The following LINGO2 variants were observed in gnomAD, a reference collection of about 807,000 sequenced individuals.
LINGO2 encodes the protein leucine-rich repeat and immunoglobulin-like domain-containing nogo receptor-interacting protein 2.
Under a neutral mutation model 30.6 loss-of-function variants are expected in LINGO2, and 14 were observed. The ratio of observed to expected loss-of-function variants is 0.46; its 90% CI spans 0.30 to 0.72. The LOEUF (loss-of-function observed/expected upper bound fraction) is 0.72, where lower values mean the gene tolerates loss of function less well. LINGO2 is among the 30% of genes least tolerant of loss of function. The probability of loss-of-function intolerance (pLI) is 0.07; values close to 1 mark genes in which losing one functional copy is unlikely to be tolerated. For missense variants in LINGO2, 729 were observed against 751.7 expected (o/e 0.97, Z 0.35); for synonymous variants, 317 against 288.5 (o/e 1.10, Z -1.00).
At chr9:28,155,780 C>T (rs377470985) in intron 4 of LINGO2, among the ~76,000 whole-genome samples, 3 of 152,272 alleles carry the variant, frequency 2.0e-5, no homozygotes, top group East Asian at 3.9e-4. Context: ...CTCACAAAGT[C>T]ACAGTCCTCA....
the LINGO2 span, among the ~76,000 whole-genome samples, chr9:28,857,641 AGT>A: frequency 6.6e-6 from 1 of 152,092 alleles, no homozygotes; most frequent in African/African-American, 2.4e-5. Context: ...CTAGATCTGC[AGT>A]GTTAAATGCC....
At chr9:28,477,843 G>C (rs1825789178) in intron 1 of LINGO2, among the ~76,000 whole-genome samples, 1 of 152,132 alleles carries the variant, frequency 6.6e-6, no homozygotes, top group Admixed American at 6.5e-5. Flanking sequence ...AAAATACAAT[G>C]ATCTATTGTG....
chr9:28,916,686 C>G, the LINGO2 span, among the ~76,000 whole-genome samples: 1 of 152,206 alleles, frequency 6.6e-6, no homozygotes, highest in Admixed American at 6.5e-5. Context: ...ACATATAAAA[C>G]CAAGCTGTAG....
intron 5 of LINGO2, among the ~76,000 whole-genome samples, chr9:28,002,990 G>A (rs887165534): frequency 3.3e-5 from 5 of 152,112 alleles, no homozygotes; most frequent in Non-Finnish European, 7.3e-5. Flanking sequence ...CTGCTGGAAT[G>A]GGCTCTGGCC....
chr9:28,145,172 C>T (rs186310794), intron 4 of LINGO2, among the ~76,000 whole-genome samples: 31 of 152,258 alleles, frequency 2.0e-4, no homozygotes, highest in African/African-American at 6.5e-4. Flanking sequence ...ATGTTCTGCT[C>T]TTATGTGGGT....
intron 4 of LINGO2, among the ~76,000 whole-genome samples, chr9:28,014,160 C>A (rs1822701920): frequency 6.6e-6 from 1 of 152,036 alleles, no homozygotes; most frequent in South Asian, 2.1e-4. Flanking sequence ...TTCTTAGAAA[C>A]ACATGAACAC....
At chr9:28,021,663 A>G (rs1823130603) in intron 4 of LINGO2, among the ~76,000 whole-genome samples, 1 of 152,016 alleles carries the variant, frequency 6.6e-6, no homozygotes, top group Non-Finnish European at 1.5e-5. Context: ...TCTTATTTTG[A>G]TGCTTTGTGG....
intron 1 of LINGO2, among the ~76,000 whole-genome samples, chr9:28,647,820 AC>A (rs2135958843): frequency 6.6e-6 from 1 of 151,116 alleles, no homozygotes; most frequent in Admixed American, 6.6e-5. Context: ...TCTCTATTTA[AC>A]TTTTATTATT....
intron 2 of LINGO2, among the ~76,000 whole-genome samples, chr9:28,420,728 A>C (rs1294397750): frequency 6.6e-6 from 1 of 152,070 alleles, no homozygotes; most frequent in Non-Finnish European, 1.5e-5. Flanking sequence ...AAGTTCAGAA[A>C]ATTTTTACCA....
intron 4 of LINGO2, among the ~76,000 whole-genome samples, chr9:28,184,675 CAGAG>C (rs1819479714): frequency 6.6e-6 from 1 of 151,948 alleles, no homozygotes; most frequent in African/African-American, 2.4e-5. Flanking sequence ...CAGAAAGAGA[CAGAG>C]AGAGACAGGC....
chr9:28,681,621 A>G, the LINGO2 span, among the ~76,000 whole-genome samples: 415 of 152,208 alleles, frequency 2.7e-3, 3 homozygotes, highest in African/African-American at 9.5e-3. Context: ...GGAACTGATG[A>G]CCCACACTTA....
At chr9:28,149,175 GA>G (rs1235296436) in intron 4 of LINGO2, 1 of 1,342,762 alleles carries the variant, frequency 7.4e-7, no homozygotes, top group East Asian at 2.5e-5. Flanking sequence ...AGGAGAGTAA[GA>G]GAGCTGCTTA....
intron 2 of LINGO2, among the ~76,000 whole-genome samples, chr9:28,386,244 C>A (rs1821574510): frequency 6.6e-6 from 1 of 152,148 alleles, no homozygotes; most frequent in African/African-American, 2.4e-5. Flanking sequence ...TGTCCTTTGA[C>A]ACTGATGTGC....
chr9:28,608,401 A>C (rs1375372099), intron 1 of LINGO2, among the ~76,000 whole-genome samples: 4 of 152,042 alleles, frequency 2.6e-5, no homozygotes, highest in South Asian at 4.1e-4. Context: ...CAATCTCTAC[A>C]GTCTCTTCCA....
chr9:28,131,962 G>A (rs538637639), intron 4 of LINGO2, among the ~76,000 whole-genome samples: 1 of 152,246 alleles, frequency 6.6e-6, no homozygotes, highest in Non-Finnish European at 1.5e-5. Context: ...GGGGATCAAG[G>A]CTTGACATTC....
chr9:28,602,366 G>A (rs1825522795), intron 1 of LINGO2, among the ~76,000 whole-genome samples: 1 of 151,976 alleles, frequency 6.6e-6, no homozygotes, highest in African/African-American at 2.4e-5. Context: ...AAATTGATTT[G>A]GCCAATAATA....
At chr9:27,972,058 T>C (rs1324784510) in intron 5 of LINGO2, among the ~76,000 whole-genome samples, 1 of 152,148 alleles carries the variant, frequency 6.6e-6, no homozygotes, top group Non-Finnish European at 1.5e-5. Flanking sequence ...CCTTCAATAA[T>C]GGGTACTGCA....
intron 1 of LINGO2, among the ~76,000 whole-genome samples, chr9:28,645,271 T>G (rs1827788993): frequency 6.6e-6 from 1 of 152,072 alleles, no homozygotes; most frequent in African/African-American, 2.4e-5. Flanking sequence ...GTGTCATATA[T>G]GCAGAGCCCA....
chr9:28,943,988 A>AT, the LINGO2 span, among the ~76,000 whole-genome samples: 1 of 152,234 alleles, frequency 6.6e-6, no homozygotes, highest in Admixed American at 6.5e-5. Flanking sequence ...ATTCTGCCCT[A>AT]TATAGTGGCT....
Sources: allele counts gnomAD v4.1 joint callset (sites outside exome capture counted in the v4.1 genomes callset), GRCh38; gene constraint gnomAD v4.1.1; transcripts MANE v1.5; gene names NCBI Gene and HGNC (gene_info 2026-07-23, HGNC 2026-07-21).